Variants in KNDC1 observed in about 807,000 individuals in gnomAD.
The protein encoded by KNDC1 is kinase non-catalytic C-lobe domain-containing protein 1.
KNDC1 carries 106 observed loss-of-function variants against 172.8 expected under a neutral mutation model. That is an observed-to-expected ratio of 0.61 (90% CI 0.52 to 0.72). The LOEUF (loss-of-function observed/expected upper bound fraction) is 0.72, where lower values mean the gene tolerates loss of function less well. Ranked by LOEUF, KNDC1 falls within the 30% of genes least tolerant of loss-of-function variation. KNDC1 has a pLI of 0.00. For synonymous variants in KNDC1, 1,083 were observed against 1,062.2 expected (o/e 1.02, Z -0.38); for missense variants, 2,325 against 2,394.5 (o/e 0.97, Z 0.61).
intron 17 of KNDC1, among the ~76,000 whole-genome samples, chr10:133,203,236 G>A (rs1225371858): frequency 4.8e-5 from 6 of 124,422 alleles, no homozygotes; most frequent in Non-Finnish European, 8.5e-5. Flanking sequence ...GGGAGCACTC[G>A]GCCCCCAAAC....
chr10:133,164,410 T>C (rs1053726130), intron 1 of KNDC1, among the ~76,000 whole-genome samples: 2 of 152,094 alleles, frequency 1.3e-5, no homozygotes, highest in Non-Finnish European at 2.9e-5. Context: ...CAGGAGAGGC[T>C]GAAGTGTGGA....
chr10:133,184,273 GCA>G (rs61470856), intron 5 of KNDC1, among the ~76,000 whole-genome samples: 58,425 of 138,282 alleles, frequency 0.42, 12,487 homozygotes, highest in South Asian at 0.65. Context: ...ACACACCCAT[GCA>G]CACACACGCT....
chr10:133,218,004 G>A (rs1000760344), intron 26 of KNDC1, among the ~76,000 whole-genome samples: 16 of 151,208 alleles, frequency 1.1e-4, no homozygotes, highest in South Asian at 2.1e-4. Flanking sequence ...AGGCTGCACC[G>A]AGCCGAGATC....
intron 3 of KNDC1, among the ~76,000 whole-genome samples, chr10:133,172,078 TTTCC>T (rs1253277427): frequency 6.6e-6 from 1 of 152,214 alleles, no homozygotes; most frequent in African/African-American, 2.4e-5. Context: ...TGCTACAGGT[TTTCC>T]TTCCTTCTCT....
chr10:133,200,787 G>A (rs1273986190), intron 16 of KNDC1, among the ~76,000 whole-genome samples: 6 of 152,212 alleles, frequency 3.9e-5, no homozygotes, highest in Non-Finnish European at 8.8e-5. Context: ...AGTGGGAGCC[G>A]CCGGGAGCCA....
chr10:133,175,787 C>T (rs1242120295), intron 3 of KNDC1, among the ~76,000 whole-genome samples: 2 of 146,324 alleles, frequency 1.4e-5, no homozygotes, highest in Admixed American at 1.4e-4. Flanking sequence ...GGAGGATGGG[C>T]TGATGGATGG....
intron 17 of KNDC1, among the ~76,000 whole-genome samples, chr10:133,204,271 C>T (rs556233689): frequency 5.3e-5 from 8 of 152,332 alleles, no homozygotes; most frequent in South Asian, 4.1e-4. Flanking sequence ...ATGTTCTAGA[C>T]GCTGTCCACC....
Position 133,183,231 on chromosome 10 carries a change from A to G in KNDC1, c.361-113A>G, listed in dbSNP as rs1853777481. 3 of 1,282,858 alleles carry G rather than the reference A, an allele frequency of 2.3e-6. No individual in the cohort carries two copies. In the South Asian group the frequency reaches 4.5e-5, roughly 19 times the overall value. 79.5% of individuals were successfully genotyped at this position (1,282,858 alleles called of 1,614,324 possible). A position where few individuals can be genotyped will look rare whatever the true frequency, so the allele number is the denominator to read the frequency against. ...GTGGGCACGGGTGCTGCTTCCCCTC[A>G]GGGGAATCTCACGATTCCTGAAACT... On this transcript the variant is annotated intron_variant, in intron 3 of 29. Transcript: ENST00000304613.
At chr10:133,185,197 C>T (rs1050543859) in intron 5 of KNDC1, among the ~76,000 whole-genome samples, 1 of 150,680 alleles carries the variant, frequency 6.6e-6, no homozygotes, top group African/African-American at 2.5e-5. Context: ...GTGGAGTAGG[C>T]AGTGTGTGCA....
In KNDC1 at chr10:133,164,716, C is replaced by G. The variant is rs551063959; in HGVS notation, c.103-2665C>G. Among the ~76,000 whole-genome samples, 408 of 152,284 alleles carry G rather than the reference C, an allele frequency of 2.7e-3. 2 individuals carry two copies. Among genetic ancestry groups the G allele is most frequent in the African/African-American group, 9.4e-3 (391 of 41,566 alleles). On this transcript the variant is annotated intron_variant, in intron 1 of 29. Transcript: ENST00000304613. ...CTGAGAGCCCCGGGGTCTCCAAGGG[C>G]CCCTTCTGGAGGTGACTACAGGACG...
chr10:133,220,111 A>C lies in KNDC1; in HGVS notation c.5017A>C (p.Arg1673=). 6.4e-7 allele frequency: 1 copy of C among 1,561,122 alleles called. No homozygotes were observed. The highest frequency in any genetic ancestry group is 2.4e-5 in the East Asian group (1 of 42,072). The change falls in exon 29 of 30, where the codon AGG becomes CGG. Residue 1673 remains arginine (R), a splice_region_variant and synonymous_variant. Coordinates refer to ENST00000304613, the MANE Select transcript of KNDC1 (RefSeq NM_152643.8). ...TNGAHRWSKL[R]NIAKVVSQVH... ...CGGGGCCCACAGGTGGAGCAAGCTC[A>C]GGTGAGGAGGGGCTCAGGCGGCCGC...
In KNDC1 at chr10:133,184,380, T is replaced by C. The variant is rs199988980; in HGVS notation, c.625+391T>C. Among the ~76,000 whole-genome samples, 714 of 147,392 alleles carry C rather than the reference T, an allele frequency of 4.8e-3. 10 individuals carry two copies. Among genetic ancestry groups the C allele is most frequent in the East Asian group, 0.04 (201 of 5,032 alleles). ...TGCAACACACCCATGCACACACACATGCTGCGCACACACACGCACACACGC... is the reference window on the plus strand; with the variant it reads ...TGCAACACACCCATGCACACACACACGCTGCGCACACACACGCACACACGC... On this transcript the variant is annotated intron_variant, in intron 5 of 29. Coordinates refer to ENST00000304613, the MANE Select transcript of KNDC1 (RefSeq NM_152643.8).
chr10:133,165,132 A>C (rs1333112368), intron 1 of KNDC1, among the ~76,000 whole-genome samples: 1 of 152,208 alleles, frequency 6.6e-6, no homozygotes, highest in Non-Finnish European at 1.5e-5. Flanking sequence ...AAAGCCCCAG[A>C]GAGGCTGAGA....
chr10:133,164,165 C>T (rs1053673251), intron 1 of KNDC1: 1 of 152,598 alleles, frequency 6.6e-6, no homozygotes, highest in Non-Finnish European at 1.5e-5. Flanking sequence ...AAGTGGGGAC[C>T]AGTCTTTCCT....
In KNDC1 at chr10:133,221,956, TGGGCC is replaced by T. The variant is rs1564903238; in HGVS notation, c.5018+1849_5018+1853del. Among the ~76,000 whole-genome samples the T allele has an allele frequency of 6.6e-4, 92 of 138,854 alleles. 4 individuals carry two copies. The highest frequency in any genetic ancestry group is 6.4e-4 in the African/African-American group (23 of 36,164). 91.1% of individuals were successfully genotyped at this position (138,854 alleles called of 152,430 possible). A position where few individuals can be genotyped will look rare whatever the true frequency, so the allele number is the denominator to read the frequency against. ...AGCCACTCACGCCTGTAACCCTAGG[TGGGCC>T]GGGCTGGGTGCAGCCACTCACGCCT... On this transcript the variant is annotated intron_variant, in intron 29 of 29. Coordinates refer to ENST00000304613, the MANE Select transcript of KNDC1 (RefSeq NM_152643.8).
At chr10:133,189,906 CGAGG>C (rs1854032831) in intron 9 of KNDC1, 93 bp downstream of exon 9, 1 of 1,090,088 alleles carries the variant, frequency 9.2e-7, no homozygotes, top group African/African-American at 1.5e-5. Context: ...CATCAGGACT[CGAGG>C]GAGTCAGGGC....
At position 133,182,212 on chromosome 10, in the gene KNDC1, C is replaced by T. The variant is rs531814465; in HGVS notation, c.361-1132C>T. Among the ~76,000 whole-genome samples, 6 of 152,286 alleles carry T rather than the reference C, an allele frequency of 3.9e-5. No individual in the cohort carries two copies. The South Asian group carries it at 6.2e-4, about 16-fold the overall frequency. The stretch of plus-strand genomic sequence containing the variant: ...GCTCCGCTGGTCACCTTGGACCTCA[C>T]GACGGACTGGGGAGGTGGGTCTCAG... On this transcript the variant is annotated intron_variant, in intron 3 of 29. Transcript: ENST00000304613.
At position 133,188,558 on chromosome 10, in the gene KNDC1, T is replaced by A. The variant is rs1853984967; in HGVS notation, c.1346T>A (p.Leu449His). Residue 449 changes from leucine to histidine, a missense_variant, in exon 7 of 30, where the codon CTC becomes CAC. Leu to His is a moderately conservative substitution (Grantham distance 99, BLOSUM62 -3). Coordinates refer to ENST00000304613, the MANE Select transcript of KNDC1 (RefSeq NM_152643.8). ...AAEQWVSLQD[L>H]LSQLGRPFRE... ...CCACAGTGGGTGTCCCTGCAGGACC[T>A]CCTGTCCCAGCTGGGCCGGCCCTTC... The A allele has an allele frequency of 1.9e-6, 3 of 1,575,556 alleles. No individual in the cohort carries two copies. Among genetic ancestry groups the A allele is most frequent in the Non-Finnish European group, 2.6e-6 (3 of 1,160,970 alleles).
At position 133,200,454 on chromosome 10, in the gene KNDC1, C is replaced by G. The variant is rs762723858; in HGVS notation, c.2983C>G (p.Arg995Gly). 1.9e-6 allele frequency: 3 copies of G among 1,578,368 alleles called. No individual in the cohort carries two copies. The highest frequency in any genetic ancestry group is 2.6e-6 in the Non-Finnish European group (3 of 1,163,952). The part of the protein sequence containing the change: ...SPSSKRPSLH[R>G]LGKEKPAMAR... The stretch of plus-strand genomic sequence containing the variant: ...GTCCAGCAAGAGGCCGTCGCTGCAC[C>G]GCCTGGGTAAGTGCTGGGCGGGCCC... The change falls in exon 16 of 30, where the codon CGC becomes GGC. Residue 995 changes from arginine (R) to glycine (G), a missense_variant. Coordinates refer to ENST00000304613, the MANE Select transcript of KNDC1 (RefSeq NM_152643.8).
Sources: gnomAD v4.1 joint callset for allele counts (sites outside exome capture counted in the v4.1 genomes callset) on GRCh38, gnomAD v4.1.1 for gene constraint, MANE v1.5 for transcripts, NCBI Gene and HGNC (gene_info 2026-07-23, HGNC 2026-07-21) for gene names.